SPTAN1: variants seen among roughly 807,000 people sequenced by gnomAD.
SPTAN1 encodes spectrin alpha chain, non-erythrocytic 1.
SPTAN1 carries 61 observed loss-of-function variants against 331.3 expected under a neutral mutation model. The observed-to-expected ratio is 0.18, with a 90% CI of 0.15 to 0.23. SPTAN1 has a LOEUF of 0.23. SPTAN1 is among the 10% of genes least tolerant of loss of function. The pLI is 1.00. For synonymous variants in SPTAN1, 1,153 were observed against 1,173.9 expected (o/e 0.98, Z 0.36); for missense variants, 2,043 against 3,147.9 (o/e 0.65, Z 8.40).
chr9:128,555,621 T>TTCC (rs767171688), intron 1 of SPTAN1, among the ~76,000 whole-genome samples: 1,502 of 15,764 alleles, frequency 0.095, 53 homozygotes, highest in East Asian at 0.38. Context: ...TTGCAAAGCC[T>TTCC]TTTTTTTTTT....
intron 1 of SPTAN1, among the ~76,000 whole-genome samples, chr9:128,561,124 C>CT (rs1302822984): frequency 2.0e-5 from 3 of 151,710 alleles, no homozygotes; most frequent in African/African-American, 7.3e-5. Flanking sequence ...AATCCCAGCA[C>CT]TTTGGGAGGC....
chr9:128,596,974 A>G (rs939482926), intron 24 of SPTAN1, among the ~76,000 whole-genome samples: 2 of 152,204 alleles, frequency 1.3e-5, no homozygotes, highest in African/African-American at 4.8e-5. Flanking sequence ...AGCCTGGCCA[A>G]CATGGCAAAA....
intron 1 of SPTAN1, among the ~76,000 whole-genome samples, chr9:128,554,789 T>A (rs759116624): frequency 2.0e-5 from 3 of 152,256 alleles, no homozygotes; most frequent in Non-Finnish European, 4.4e-5. Flanking sequence ...GCCACTTGAC[T>A]GGAGCAGCTG....
chr9:128,618,134 C>T (rs781481694), intron 43 of SPTAN1, 26 bp downstream of exon 43: 16 of 1,611,808 alleles, frequency 9.9e-6, no homozygotes, highest in South Asian at 4.4e-5. Context: ...CAGGAGCTCC[C>T]GGGAACAAGT....
rs1363960783 is a variant in SPTAN1 at position 128,594,155 on chromosome 9, A to G, written c.3216-20A>G. The G allele has an allele frequency of 3.7e-6, 6 of 1,613,482 alleles. No individual in the cohort carries two copies. The highest frequency in any genetic ancestry group is 8.5e-7 in the Non-Finnish European group (1 of 1,179,724). On this transcript the variant is annotated intron_variant, in intron 23 of 56. Coordinates refer to ENST00000372739, the MANE Select transcript of SPTAN1 (RefSeq NM_001130438.3). ...AACTGCCTTCCTTGTCCCTCTTGTC[A>G]CCCTCTTGAATTCCATCAGATATCA... is the stretch of plus-strand genomic sequence containing the variant.
intron 1 of SPTAN1, among the ~76,000 whole-genome samples, chr9:128,558,890 T>G (rs2132717822): frequency 6.6e-6 from 1 of 152,326 alleles, no homozygotes; most frequent in South Asian, 2.1e-4. Context: ...AGAATTTTCC[T>G]GTGTTTAATG....
intron 20 of SPTAN1, 21 bp downstream of exon 20, chr9:128,587,719 G>A (rs1304799315): frequency 3.1e-6 from 5 of 1,609,602 alleles, no homozygotes; most frequent in Non-Finnish European, 3.4e-6. Context: ...AACAGTTTAT[G>A]GGTTACTGGA....
chr9:128,598,383 TG>T lies in SPTAN1; in HGVS notation c.3415-15del, dbSNP rs1213306236. 1.9e-6 allele frequency: 3 copies of T among 1,605,882 alleles called. No individual in the cohort carries two copies. Among genetic ancestry groups the T allele is most frequent in the Non-Finnish European group, 2.6e-6 (3 of 1,175,316 alleles). On this transcript the variant is annotated splice_polypyrimidine_tract_variant and intron_variant, in intron 24 of 56. Transcript: ENST00000372739. ...TTGCTATTTTGGGTTTTAGTTATTA[TG>T]GCTTTTGCTTTAAAGGACCTGAAGG...
chr9:128,626,073 A>G, intron 48 of SPTAN1, 95 bp downstream of exon 48: 1 of 1,470,252 alleles, frequency 6.8e-7, no homozygotes, highest in South Asian at 1.2e-5. Flanking sequence ...CCCTTGAGGA[A>G]GCTGTGAGCT....
intron 27 of SPTAN1, among the ~76,000 whole-genome samples, chr9:128,600,407 C>G (rs564289926): frequency 1.3e-5 from 2 of 152,142 alleles, no homozygotes; most frequent in Non-Finnish European, 2.9e-5. Flanking sequence ...CAGTAAGAGG[C>G]GGTCCAAAGG....
chr9:128,567,714 T>A (rs763896071), intron 2 of SPTAN1, among the ~76,000 whole-genome samples: 4 of 152,212 alleles, frequency 2.6e-5, no homozygotes, highest in Non-Finnish European at 5.9e-5. Context: ...TTGGTAAATC[T>A]TATCAAAAGC....
intron 51 of SPTAN1, 159 bp downstream of exon 51, chr9:128,628,101 T>A: frequency 1.1e-6 from 1 of 941,030 alleles, no homozygotes; most frequent in Non-Finnish European, 1.7e-6. Context: ...GAGGAGTGTG[T>A]GCCTTGCCCC....
rs1854725071 is a variant in SPTAN1 at position 128,599,208 on chromosome 9, C to A, written c.3543+222C>A. The A allele has an allele frequency of 5.3e-6, 3 of 561,860 alleles. No homozygotes were observed. The Admixed American group carries it at 8.0e-5, about 15-fold the overall frequency. The allele number at this position is 561,860 out of a possible 1,614,324, so 34.8% of individuals were successfully genotyped here. ...GGAGTGCAGTGGTGTGATCTTGGCT[C>A]ACTGCAACCTCCACCTCCCAGGTTC... is the stretch of plus-strand genomic sequence containing the variant. On this transcript the variant is annotated intron_variant, in intron 26 of 56. Transcript: ENST00000372739.
At chr9:128,615,887 G>A in intron 41 of SPTAN1, 47 bp downstream of exon 41, 1 of 1,597,856 alleles carries the variant, frequency 6.3e-7, no homozygotes. Flanking sequence ...CTGTAATAGT[G>A]GGCAGCAGGA....
intron 53 of SPTAN1, 43 bp downstream of exon 53, chr9:128,632,366 G>A: frequency 1.9e-6 from 3 of 1,613,658 alleles, no homozygotes; most frequent in South Asian, 1.1e-5. Flanking sequence ...CAGAGCAGGG[G>A]GAGGAAAAGA....
intron 17 of SPTAN1, 90 bp downstream of exon 17, chr9:128,584,615 G>T: frequency 6.2e-7 from 1 of 1,613,846 alleles, no homozygotes; most frequent in African/African-American, 1.3e-5. Context: ...GGGCAGGGTC[G>T]AATTTAAATT....
chr9:128,585,226 A>G (rs534597852), intron 18 of SPTAN1, among the ~76,000 whole-genome samples: 1 of 151,868 alleles, frequency 6.6e-6, no homozygotes, highest in South Asian at 2.1e-4. Flanking sequence ...ACAGGGTTTC[A>G]CCATATTGGT....
rs1168145860 is a variant in SPTAN1 at position 128,627,039 on chromosome 9, C to T, written c.6577-347C>T. On this transcript the variant is annotated intron_variant, in intron 49 of 56. Coordinates refer to ENST00000372739, the MANE Select transcript of SPTAN1 (RefSeq NM_001130438.3). The surrounding 1 kb of genome is among the most constrained non-coding windows in gnomAD (Gnocchi z 4.9). ...TGTTGCCCAGGCTGGTCTTCAACTC[C>T]TGGCCTCAAGCAGTCCTCCTGCCCA... 1 of 546,300 alleles carries T rather than the reference C, an allele frequency of 1.8e-6. No homozygotes were observed. The highest frequency in any genetic ancestry group is 1.9e-5 in the African/African-American group (1 of 53,456). The allele number at this position is 546,300 out of a possible 1,614,324, so 33.8% of individuals were successfully genotyped here.
chr9:128,619,033 TTTC>T (rs1564300514), intron 44 of SPTAN1, 30 bp downstream of exon 44: 2 of 1,612,834 alleles, frequency 1.2e-6, no homozygotes, highest in Non-Finnish European at 1.7e-6. Flanking sequence ...TGTCACCTGC[TTTC>T]TCTCTTGGCA....
Sources: allele counts gnomAD v4.1 joint callset (sites outside exome capture counted in the v4.1 genomes callset), GRCh38; gene constraint gnomAD v4.1.1; non-coding constraint Gnocchi (gnomAD v3.1); transcripts MANE v1.5; gene names NCBI Gene and HGNC (gene_info 2026-07-23, HGNC 2026-07-21).